FUNDC2: variants seen among roughly 807,000 people sequenced by gnomAD.
The protein encoded by FUNDC2 is FUN14 domain containing 2, also known as FUN14 domain-containing protein 2.
A neutral mutation model predicts 15.6 loss-of-function variants in FUNDC2; 4 were observed. That is an observed-to-expected ratio of 0.26 (90% CI 0.13 to 0.59). The LOEUF (loss-of-function observed/expected upper bound fraction) is 0.59. Among genes scored for constraint, FUNDC2 ranks in the 20% least tolerant of loss-of-function variants. The pLI is 0.90. For missense variants in FUNDC2, 98 were observed against 149.7 expected (o/e 0.65, Z 1.80); for synonymous variants, 44 against 56.9 (o/e 0.77, Z 1.02).
rs1471509274 is a variant in FUNDC2, at chrX:155,057,158, G to C, written c.*2486G>C. On this transcript the variant is annotated 3_prime_UTR_variant, in exon 5 of 5. Coordinates refer to ENST00000369498, the MANE Select transcript of FUNDC2 (RefSeq NM_023934.4). ...CGCACAGCTGCACACCTTGTTTTCA[G>C]TTTAGCTGAACCATCGGTGAAGGAG... 2 of 110,403 alleles carry C rather than the reference G, an allele frequency of 1.8e-5. No homozygotes were observed. The highest frequency in any genetic ancestry group is 3.3e-5 in the African/African-American group (1 of 30,597). The allele number at this position is 110,403 out of a possible 1,213,427, so 9.1% of individuals were successfully genotyped here.
chrX:155,038,479 C>G (rs1234466588), intron 2 of FUNDC2, among the ~76,000 whole-genome samples: 6 of 111,742 alleles, frequency 5.4e-5, no homozygotes, highest in South Asian at 3.7e-4. Flanking sequence ...TTCCTCCTAA[C>G]TGGAATTTTT....
At chrX:155,046,731 C>A in intron 3 of FUNDC2, 147 bp downstream of exon 3, 1 of 457,381 alleles carries the variant, frequency 2.2e-6, no homozygotes. Flanking sequence ...ATGCTAGTGA[C>A]CGTTTGAGTC....
In FUNDC2 at chrX:155,045,203, G is replaced by A. The variant is rs2073858592; in HGVS notation, c.285-1306G>A. Among the ~76,000 whole-genome samples, 3 of 111,653 alleles carry A rather than the reference G, an allele frequency of 2.7e-5. No homozygotes were observed. In the Admixed American group the frequency reaches 2.8e-4, roughly 11 times the overall value. On this transcript the variant is annotated intron_variant, in intron 2 of 4. Transcript: ENST00000369498. ...AAATAAAACTGGTTACCAGGGATAG[G>A]ATGGGAGGAAATGGGAAGATGTGGG...
rs1048319913 is a variant in FUNDC2 at position 155,059,062 on chromosome X, A to C, written c.*4390A>C. On this transcript the variant is annotated 3_prime_UTR_variant, in exon 5 of 5. Transcript: ENST00000369498. ...ATTTCACTGGTCTGGAGTGCTGTTC[A>C]GGCATCCTGAGGTTTTAAAGTGTCT... The C allele has an allele frequency of 2.7e-5, 3 of 111,909 alleles. No homozygotes were observed. The highest frequency in any genetic ancestry group is 9.8e-5 in the African/African-American group (3 of 30,715). The allele number at this position is 111,909 out of a possible 1,213,427, so 9.2% of individuals were successfully genotyped here.
chrX:155,047,004 C>T (rs999403897), intron 3 of FUNDC2: 23 of 208,852 alleles, frequency 1.1e-4, no homozygotes, highest in Admixed American at 4.4e-4. Context: ...AGTCAGATGT[C>T]GTCTGCTGTC....
At position 155,057,347 on chromosome X, in the gene FUNDC2, C is replaced by CT. The variant is rs2073910020; in HGVS notation, c.*2676dup. On this transcript the variant is annotated 3_prime_UTR_variant, in exon 5 of 5. Coordinates refer to ENST00000369498, the MANE Select transcript of FUNDC2 (RefSeq NM_023934.4). Reference sequence around the variant, plus strand: ...CCAGGCAGCTCCACCTTTCAGTGCACTACTTTCATTTGACTGGAGAGGCCT... The same window carrying CT: ...CCAGGCAGCTCCACCTTTCAGTGCACTTACTTTCATTTGACTGGAGAGGCCT... 1 of 111,429 alleles carries CT rather than the reference C, an allele frequency of 9.0e-6. No homozygotes were observed. The highest frequency in any genetic ancestry group is 1.9e-5 in the Non-Finnish European group (1 of 52,720). 9.2% of individuals were successfully genotyped at this position (111,429 alleles called of 1,213,427 possible).
At chrX:155,046,133 TC>T (rs1557290016) in intron 2 of FUNDC2, among the ~76,000 whole-genome samples, 1 of 109,555 alleles carries the variant, frequency 9.1e-6, no homozygotes, top group African/African-American at 3.3e-5. Context: ...CACAAACAGT[TC>T]CTCAGGTCTG....
In FUNDC2 at chrX:155,057,278, G is replaced by C. The variant is rs1219262055; in HGVS notation, c.*2606G>C. The C allele has an allele frequency of 1.8e-5, 2 of 111,676 alleles. No homozygotes were observed. The highest frequency in any genetic ancestry group is 3.3e-5 in the African/African-American group (1 of 30,662). 9.2% of individuals were successfully genotyped at this position (111,676 alleles called of 1,213,427 possible). ...GTGGGAGTTAAGGTTTCCCCCAAAA[G>C]AACAGCTGCCACTCCTCCATGCAAA... On this transcript the variant is annotated 3_prime_UTR_variant, in exon 5 of 5. Transcript: ENST00000369498.
intron 2 of FUNDC2, among the ~76,000 whole-genome samples, chrX:155,034,300 T>C (rs1320818843): frequency 1.8e-5 from 2 of 112,777 alleles, no homozygotes; most frequent in African/African-American, 6.4e-5. Flanking sequence ...ATGTATTCTT[T>C]TGAGTCTTGC....
chrX:155,033,219 A>G, intron 1 of FUNDC2, 184 bp from the exon 2 acceptor site: 2 of 387,070 alleles, frequency 5.2e-6, no homozygotes, highest in Admixed American at 4.3e-5. Flanking sequence ...TTTCCCTGTA[A>G]TATAGACATT....
Position 155,057,059 on chromosome X carries a change from C to T in FUNDC2, c.*2387C>T, listed in dbSNP as rs782140380. 8 of 98,418 alleles carry T rather than the reference C, an allele frequency of 8.1e-5. No individual in the cohort carries two copies. The highest frequency in any genetic ancestry group is 5.0e-3 in the Middle Eastern group (1 of 200). The allele number at this position is 98,418 out of a possible 1,213,427, so 8.1% of individuals were successfully genotyped here. A position where few individuals can be genotyped will look rare whatever the true frequency, so the allele number is the denominator to read the frequency against. ...CCTCATCCTGCTAGTATGAGAACGG[C>T]TGTGAGTTCTGCCCACGGTGTGAGG... is the stretch of plus-strand genomic sequence containing the variant. On this transcript the variant is annotated 3_prime_UTR_variant, in exon 5 of 5. Coordinates refer to ENST00000369498, the MANE Select transcript of FUNDC2 (RefSeq NM_023934.4).
Position 155,031,852 on chromosome X carries a change from A to C in FUNDC2, c.134-1551A>C, listed in dbSNP as rs373027621. On this transcript the variant is annotated intron_variant, in intron 1 of 4. Transcript: ENST00000369498. ...ACATTTCTTAGTGCGGTGTGTTTCC[A>C]GGGAAACAGGGCTGGGTATAGTAGG... Among the ~76,000 whole-genome samples the C allele has an allele frequency of 5.6e-3, 633 of 112,138 alleles. 3 individuals carry two copies. The highest frequency in any genetic ancestry group is 0.019 in the African/African-American group (596 of 30,862).
intron 2 of FUNDC2, among the ~76,000 whole-genome samples, chrX:155,040,179 C>T (rs2073842846): frequency 8.9e-6 from 1 of 111,833 alleles, no homozygotes; most frequent in African/African-American, 3.2e-5. Flanking sequence ...AACATATATA[C>T]TGAGGTGAAA....
chrX:155,058,496 A>G lies in FUNDC2; in HGVS notation c.*3824A>G, dbSNP rs782497132. ...GATTTGAAATTTCTGAGTATCATCA[A>G]TGTTTCATGATGATCTCAATTTCTT... On this transcript the variant is annotated 3_prime_UTR_variant, in exon 5 of 5. Transcript: ENST00000369498. 3 of 110,667 alleles carry G rather than the reference A, an allele frequency of 2.7e-5. No homozygotes were observed. The highest frequency in any genetic ancestry group is 6.6e-5 in the African/African-American group (2 of 30,358). The allele number at this position is 110,667 out of a possible 1,213,427, so 9.1% of individuals were successfully genotyped here. A position where few individuals can be genotyped will look rare whatever the true frequency, so the allele number is the denominator to read the frequency against.
chrX:155,033,227 A>G (rs1042130808), intron 1 of FUNDC2, 176 bp from the exon 2 acceptor site: 5 of 404,695 alleles, frequency 1.2e-5, no homozygotes, highest in Non-Finnish European at 1.7e-5. Context: ...TAATATAGAC[A>G]TTAGTATTTG....
chrX:155,029,917 C>G (rs1260845321), intron 1 of FUNDC2, among the ~76,000 whole-genome samples: 1 of 111,171 alleles, frequency 9.0e-6, no homozygotes, highest in Non-Finnish European at 1.9e-5. Flanking sequence ...AATTTCTTGG[C>G]AGTGTTTTGT....
intron 1 of FUNDC2, among the ~76,000 whole-genome samples, chrX:155,029,644 A>G (rs2073808000): frequency 9.3e-6 from 1 of 107,576 alleles, no homozygotes; most frequent in South Asian, 4.1e-4. Context: ...AATCCCAGCT[A>G]CTTGGGAGGC....
Position 155,056,617 on chromosome X carries a change from A to C in FUNDC2, c.*1945A>C, listed in dbSNP as rs1557290959. On this transcript the variant is annotated 3_prime_UTR_variant, in exon 5 of 5. Transcript: ENST00000369498. ...TGAGTCATCTGTTTCCTGCTTCCCC[A>C]CACTCTGCCTCTCCTGACATCTGGG... The C allele has an allele frequency of 9.1e-6, 1 of 109,305 alleles. No homozygotes were observed. The highest frequency in any genetic ancestry group is 3.4e-5 in the African/African-American group (1 of 29,791). 9.0% of individuals were successfully genotyped at this position (109,305 alleles called of 1,213,427 possible).
chrX:155,036,807 G>A lies in FUNDC2; in HGVS notation c.284+3254G>A, dbSNP rs1004314937. On this transcript the variant is annotated intron_variant, in intron 2 of 4. Transcript: ENST00000369498. Reference sequence around the variant, plus strand: ...TTGACTATATGTTTTTGAGCTCTTTGTACTGCCAAATTGATCTAGGTGCCA... The same window carrying A: ...TTGACTATATGTTTTTGAGCTCTTTATACTGCCAAATTGATCTAGGTGCCA... 1.1e-4 allele frequency among the ~76,000 whole-genome samples: 12 copies of A among 110,806 alleles called. No individual in the cohort carries two copies. The South Asian group carries it at 1.5e-3, about 14-fold the overall frequency.
Sources: allele counts gnomAD v4.1 joint callset (sites outside exome capture counted in the v4.1 genomes callset), GRCh38; gene constraint gnomAD v4.1.1; transcripts MANE v1.5; gene names NCBI Gene and HGNC (gene_info 2026-07-23, HGNC 2026-07-21).